Variants in FBXO30 observed in about 807,000 individuals in gnomAD.
FBXO30 encodes the protein F-box only protein 30.
A neutral mutation model predicts 58.1 loss-of-function variants in FBXO30; 21 were observed. The ratio of observed to expected loss-of-function variants is 0.36; its 90% confidence interval spans 0.26 to 0.52. The LOEUF (loss-of-function observed/expected upper bound fraction) is 0.52. FBXO30 is among the 20% of genes least tolerant of loss of function. The probability of loss-of-function intolerance (pLI) is 0.93; values close to 1 mark genes in which losing one functional copy is unlikely to be tolerated. For synonymous variants in FBXO30, 309 were observed against 312.4 expected (o/e 0.99, Z 0.11); for missense variants, 744 against 897.3 (o/e 0.83, Z 2.18).
At position 145,796,398 on chromosome 6, in the gene FBXO30, G is replaced by A. The variant is rs1351080779; in HGVS notation, c.*3708C>T. 2.0e-5 allele frequency: 3 copies of A among 151,934 alleles called. No homozygotes were observed. Among genetic ancestry groups the A allele is most frequent in the African/African-American group, 7.2e-5 (3 of 41,398 alleles). 9.4% of individuals were successfully genotyped at this position (151,934 alleles called of 1,614,324 possible). A position where few individuals can be genotyped will look rare whatever the true frequency, so the allele number is the denominator to read the frequency against. On this transcript the variant is annotated 3_prime_UTR_variant, in exon 3 of 3. Coordinates refer to ENST00000237281, the MANE Select transcript of FBXO30 (RefSeq NM_032145.5). The stretch of plus-strand genomic sequence containing the variant: ...ACACCATCAAACAAGTCACTGATGA[G>A]TTGATAAAGGTATAACTAATATTCT...
Position 145,804,525 on chromosome 6 carries a change from A to T in FBXO30, c.1881T>A (p.Phe627Leu), listed in dbSNP as rs745397836. 1.9e-6 allele frequency: 3 copies of T among 1,613,812 alleles called. No homozygotes were observed. Among genetic ancestry groups the T allele is most frequent in the Admixed American group, 3.3e-5 (2 of 59,924 alleles). Residue 627 changes from phenylalanine to leucine, a missense_variant, in exon 2 of 3, where the codon TTT (phenylalanine) becomes TTA (leucine). Around this residue, in one of 3 missense-constraint regions of FBXO30, gnomAD observed 334 missense variants for 433.7 expected, o/e 0.77. Transcript: ENST00000237281. ...PFEVLQHIAG[F>L]LDGFSLCQLS... is the part of the protein sequence containing the mutation. ...GCTGACATAAGCTGAAGCCATCGAG[A>T]AAGCCTGCAATATGCTGCAGGACCT...
intron 2 of FBXO30, among the ~76,000 whole-genome samples, chr6:145,803,576 T>C (rs1778071571): frequency 6.6e-6 from 1 of 152,148 alleles, no homozygotes; most frequent in Non-Finnish European, 1.5e-5. Context: ...AAAAAAACCT[T>C]CAATCAAAGA....
rs1408856191 is a variant in FBXO30, at chr6:145,793,892, G to A, written c.*6214C>T. 6.6e-6 allele frequency: 1 copy of A among 151,908 alleles called. No individual in the cohort carries two copies. The highest frequency in any genetic ancestry group is 1.9e-4 in the East Asian group (1 of 5,196). 9.4% of individuals were successfully genotyped at this position (151,908 alleles called of 1,614,324 possible). On this transcript the variant is annotated 3_prime_UTR_variant, in exon 3 of 3. Transcript: ENST00000237281. ...ATGCTATAAATTAATTCTAAACCAC[G>A]GTTTGGGCATTTCACAAACGTTGAG...
chr6:145,813,101 AC>A (rs1778379008), intron 1 of FBXO30, among the ~76,000 whole-genome samples: 1 of 152,188 alleles, frequency 6.6e-6, no homozygotes, highest in Non-Finnish European at 1.5e-5. Flanking sequence ...TATTTTGGTG[AC>A]CTTAAAGTAC....
At position 145,795,509 on chromosome 6, in the gene FBXO30, T is replaced by C. The variant is rs534108917; in HGVS notation, c.*4597A>G. ...TTGTCAGTTCACTTCAAAAATGTTT[T>C]CTTCATAGTAAAAGACAGATGCTTC... On this transcript the variant is annotated 3_prime_UTR_variant, in exon 3 of 3. Coordinates refer to ENST00000237281, the MANE Select transcript of FBXO30 (RefSeq NM_032145.5). 1 of 151,934 alleles carries C rather than the reference T, an allele frequency of 6.6e-6. No homozygotes were observed. Among genetic ancestry groups the C allele is most frequent in the Non-Finnish European group, 1.5e-5 (1 of 67,834 alleles). The allele number at this position is 151,934 out of a possible 1,614,324, so 9.4% of individuals were successfully genotyped here.
rs1163790290 is a variant in FBXO30, at chr6:145,800,133, T to C, written c.2211A>G (p.Leu737=). ...TRELTKEGRS[L]RSVLKPVL Reference sequence around the variant, plus strand: ...AAAGTACAGGTTTTAAAACTGAGCGTAGTGAACGTCCTTCTTTAGTGAGTT... The same window carrying C: ...AAAGTACAGGTTTTAAAACTGAGCGCAGTGAACGTCCTTCTTTAGTGAGTT... Residue 737 remains leucine (L), a synonymous_variant, in exon 3 of 3, where the codon CTA becomes CTG. Coordinates refer to ENST00000237281, the MANE Select transcript of FBXO30 (RefSeq NM_032145.5). 8.7e-6 allele frequency: 14 copies of C among 1,612,852 alleles called. No homozygotes were observed. Among genetic ancestry groups the C allele is most frequent in the Non-Finnish European group, 1.2e-5 (14 of 1,179,128 alleles).
rs1342081320 is a variant in FBXO30, at chr6:145,795,525, CAG to C, written c.*4579_*4580del. The C allele has an allele frequency of 6.6e-6, 1 of 151,898 alleles. No homozygotes were observed. Among genetic ancestry groups the C allele is most frequent in the Non-Finnish European group, 1.5e-5 (1 of 67,828 alleles). The allele number at this position is 151,898 out of a possible 1,614,324, so 9.4% of individuals were successfully genotyped here. ...AAAATGTTTTCTTCATAGTAAAAGA[CAG>C]ATGCTTCCGTCCAGCTTATCAAAAA... On this transcript the variant is annotated 3_prime_UTR_variant, in exon 3 of 3. Transcript: ENST00000237281.
rs1778148330 is a variant in FBXO30 at position 145,805,760 on chromosome 6, T to C, written c.646A>G (p.Asn216Asp). ...GCATTTTGCTGTTCATCCATGTCAT[T>C]TGGGACACTTGTATTTAACATGCCA... ...DIGMLNTSVP[N>D]DMDEQQNARE... Residue 216 changes from asparagine (N) to aspartate (D), a missense_variant, in exon 2 of 3, where the codon AAT becomes GAT. Transcript: ENST00000237281. 3 of 1,614,124 alleles carry C rather than the reference T, an allele frequency of 1.9e-6. No homozygotes were observed. Among genetic ancestry groups the C allele is most frequent in the Middle Eastern group, 1.6e-4 (1 of 6,062 alleles).
Position 145,797,414 on chromosome 6 carries a change from T to G in FBXO30, c.*2692A>C, listed in dbSNP as rs888520718. ...TACACACATATATCCACTCCAGTAA[T>G]GCACCAGAGGGTAGCTGGCATGACC... On this transcript the variant is annotated 3_prime_UTR_variant, in exon 3 of 3. Transcript: ENST00000237281. 4 of 152,162 alleles carry G rather than the reference T, an allele frequency of 2.6e-5. No individual in the cohort carries two copies. Among genetic ancestry groups the G allele is most frequent in the Admixed American group, 2.0e-4 (3 of 15,238 alleles). The allele number at this position is 152,162 out of a possible 1,614,324, so 9.4% of individuals were successfully genotyped here. A position where few individuals can be genotyped will look rare whatever the true frequency, so the allele number is the denominator to read the frequency against.
chr6:145,806,421 T>C lies in FBXO30; in HGVS notation c.-16A>G, dbSNP rs1248042042. The C allele has an allele frequency of 6.3e-7, 1 of 1,598,378 alleles. No homozygotes were observed. The highest frequency in any genetic ancestry group is 8.5e-7 in the Non-Finnish European group (1 of 1,174,910). On this transcript the variant is annotated splice_region_variant and 5_prime_UTR_variant, in exon 2 of 3. Transcript: ENST00000237281. The stretch of plus-strand genomic sequence containing the variant: ...CCTCCTCCATAATGGCCAGTCCAGC[T>C]CTGGTTGATGAAATGGAAAAAGATA...
chr6:145,806,346 G>A lies in FBXO30; in HGVS notation c.60C>T (p.Thr20=). The change falls in exon 2 of 3, where the codon ACC becomes ACT. Residue 20 remains threonine, a synonymous_variant. Transcript: ENST00000237281. ...CVNCVSRRCM[T]RPEPGISCDL... Reference sequence around the variant, plus strand: ...CACAGGAAATCCCTGGCTCTGGCCTGGTCATGCACCGTCTACTGACACAAT... The same window carrying A: ...CACAGGAAATCCCTGGCTCTGGCCTAGTCATGCACCGTCTACTGACACAAT... The A allele has an allele frequency of 6.2e-7, 1 of 1,613,950 alleles. No individual in the cohort carries two copies. The highest frequency in any genetic ancestry group is 8.5e-7 in the Non-Finnish European group (1 of 1,179,942).
At position 145,796,092 on chromosome 6, in the gene FBXO30, A is replaced by G. The variant is rs897197920; in HGVS notation, c.*4014T>C. 1 of 151,960 alleles carries G rather than the reference A, an allele frequency of 6.6e-6. No individual in the cohort carries two copies. Among genetic ancestry groups the G allele is most frequent in the Non-Finnish European group, 1.5e-5 (1 of 67,870 alleles). The allele number at this position is 151,960 out of a possible 1,614,324, so 9.4% of individuals were successfully genotyped here. A position where few individuals can be genotyped will look rare whatever the true frequency, so the allele number is the denominator to read the frequency against. The stretch of plus-strand genomic sequence containing the variant: ...AAAAAGTGATCTATGTAAGGACATA[A>G]TTCTCTCTCAAATATCCCAGTACAC... On this transcript the variant is annotated 3_prime_UTR_variant, in exon 3 of 3. Transcript: ENST00000237281.
Position 145,796,990 on chromosome 6 carries a change from C to T in FBXO30, c.*3116G>A, listed in dbSNP as rs1267741469. The stretch of plus-strand genomic sequence containing the variant: ...AAACAAGAGATCCAATCTTTCATAA[C>T]ATCTTATTGATAGGGTTGAAAAGAT... On this transcript the variant is annotated 3_prime_UTR_variant, in exon 3 of 3. Transcript: ENST00000237281. 3 of 151,882 alleles carry T rather than the reference C, an allele frequency of 2.0e-5. No individual in the cohort carries two copies. The highest frequency in any genetic ancestry group is 4.8e-5 in the African/African-American group (2 of 41,378). 9.4% of individuals were successfully genotyped at this position (151,882 alleles called of 1,614,324 possible). A position where few individuals can be genotyped will look rare whatever the true frequency, so the allele number is the denominator to read the frequency against.
intron 1 of FBXO30, chr6:145,809,695 C>T (rs1255787174): frequency 6.6e-6 from 1 of 152,142 alleles, no homozygotes; most frequent in African/African-American, 2.4e-5. Flanking sequence ...TTATTATTTT[C>T]TGAAGTAGAC....
intron 1 of FBXO30, chr6:145,809,764 A>ACCC (rs1778283666): frequency 6.6e-6 from 1 of 152,232 alleles, no homozygotes; most frequent in African/African-American, 2.4e-5. Context: ...ACACATCTTT[A>ACCC]TAACAACCTG....
chr6:145,794,894 A>C lies in FBXO30; in HGVS notation c.*5212T>G, dbSNP rs1366083304. The C allele has an allele frequency of 2.0e-5, 3 of 151,880 alleles. No individual in the cohort carries two copies. Among genetic ancestry groups the C allele is most frequent in the Non-Finnish European group, 4.4e-5 (3 of 67,800 alleles). The allele number at this position is 151,880 out of a possible 1,614,324, so 9.4% of individuals were successfully genotyped here. ...AAATGACTAAATTCAGGGTCACCTC[A>C]CCAGAAAATTAATGTCATGGGATAA... On this transcript the variant is annotated 3_prime_UTR_variant, in exon 3 of 3. Coordinates refer to ENST00000237281, the MANE Select transcript of FBXO30 (RefSeq NM_032145.5).
intron 1 of FBXO30, among the ~76,000 whole-genome samples, chr6:145,813,078 A>G (rs1002305504): frequency 2.6e-5 from 4 of 152,220 alleles, no homozygotes; most frequent in Admixed American, 6.5e-5. Context: ...AACAGTAAGC[A>G]TTAACCAATG....
intron 2 of FBXO30, among the ~76,000 whole-genome samples, chr6:145,803,013 A>G (rs1010408945): frequency 6.6e-6 from 1 of 152,094 alleles, no homozygotes; most frequent in South Asian, 2.1e-4. Flanking sequence ...GCTATAGGAT[A>G]ATCAAGTGGA....
intron 1 of FBXO30, among the ~76,000 whole-genome samples, chr6:145,812,575 G>A (rs1238774028): frequency 1.3e-5 from 2 of 152,112 alleles, no homozygotes; most frequent in African/African-American, 2.4e-5. Flanking sequence ...TTATGTGTGT[G>A]TCCAATAGGA....
Sources: gnomAD v4.1 joint callset for allele counts (sites outside exome capture counted in the v4.1 genomes callset) on GRCh38, gnomAD v4.1.1 for gene constraint, gnomAD v4.1.1 regional missense constraint, MANE v1.5 for transcripts, NCBI Gene and HGNC (gene_info 2026-07-23, HGNC 2026-07-21) for gene names.